CADPS2: variants seen among roughly 807,000 people sequenced by gnomAD.
The protein encoded by CADPS2 is calcium-dependent secretion activator 2.
In CADPS2, 93 loss-of-function variants were observed where a neutral mutation model predicts 172.5. The observed-to-expected ratio is 0.54, with a 90% CI of 0.46 to 0.64. CADPS2 has a LOEUF of 0.64. Among genes scored for constraint, CADPS2 ranks in the 30% least tolerant of loss-of-function variants. The probability of loss-of-function intolerance (pLI) is 0.00; values close to 1 mark genes in which losing one functional copy is unlikely to be tolerated. For synonymous variants in CADPS2, 546 were observed against 555.2 expected (o/e 0.98, Z 0.23); for missense variants, 1,420 against 1,565.9 (o/e 0.91, Z 1.57).
At chr7:122,355,277 T>C (rs1008997091) in intron 27 of CADPS2, among the ~76,000 whole-genome samples, 18 of 152,196 alleles carry the variant, frequency 1.2e-4, no homozygotes, top group African/African-American at 4.3e-4. Flanking sequence ...AATCAATTTA[T>C]TTATTGCTTT....
chr7:122,826,376 A>C (rs1467137505), intron 1 of CADPS2, among the ~76,000 whole-genome samples: 3 of 152,188 alleles, frequency 2.0e-5, no homozygotes, highest in Non-Finnish European at 4.4e-5. Context: ...CCCAAGTCTC[A>C]TAACATAATA....
At chr7:122,535,396 C>T (rs2062157255) in intron 8 of CADPS2, among the ~76,000 whole-genome samples, 1 of 151,960 alleles carries the variant, frequency 6.6e-6, no homozygotes, top group African/African-American at 2.4e-5. Flanking sequence ...GTGATAGATT[C>T]TTCAAATGTA....
intron 14 of CADPS2, among the ~76,000 whole-genome samples, chr7:122,466,048 C>T (rs2055093793): frequency 6.6e-6 from 1 of 152,042 alleles, no homozygotes; most frequent in Non-Finnish European, 1.5e-5. Flanking sequence ...AACTTAAGAC[C>T]CAAAAACTTT....
At chr7:122,721,872 C>T (rs192336415) in intron 2 of CADPS2, among the ~76,000 whole-genome samples, 1 of 152,148 alleles carries the variant, frequency 6.6e-6, no homozygotes, top group South Asian at 2.1e-4. Context: ...CCCTGGGATA[C>T]AAGGCTGGTT....
intron 1 of CADPS2, among the ~76,000 whole-genome samples, chr7:122,849,334 C>T (rs1463458855): frequency 6.6e-6 from 1 of 152,132 alleles, no homozygotes; most frequent in African/African-American, 2.4e-5. Flanking sequence ...TCAAAAATCA[C>T]CAAAAAACAT....
At chr7:122,828,117 A>C (rs946785667) in intron 1 of CADPS2, among the ~76,000 whole-genome samples, 1 of 152,002 alleles carries the variant, frequency 6.6e-6, no homozygotes, top group Admixed American at 6.6e-5. Flanking sequence ...TAGGATCATC[A>C]TGTCTCTGTG....
chr7:122,816,750 C>T (rs1187999761), intron 1 of CADPS2, among the ~76,000 whole-genome samples: 1 of 152,162 alleles, frequency 6.6e-6, no homozygotes, highest in East Asian at 1.9e-4. Context: ...TGAGCCCAAG[C>T]CAAGCCATCG....
In CADPS2 at chr7:122,663,278, T is replaced by G; in HGVS notation, c.745A>C (p.Ile249Leu). ...LYEMFQQILG[I>L]KKLEHQLLYN... ...AGGAGCTGGTGTTCCAGTTTTTTAA[T>G]ACCCAGAATCTGCTGAAACATTTCA... The change falls in exon 3 of 30, where the codon ATT (isoleucine) becomes CTT (leucine). Residue 249 changes from isoleucine (I) to leucine (L), a missense_variant. Ile to Leu is a conservative substitution (Grantham distance 5). Coordinates refer to ENST00000449022, the MANE Select transcript of CADPS2 (RefSeq NM_017954.11). 1 of 1,613,792 alleles carries G rather than the reference T, an allele frequency of 6.2e-7. No homozygotes were observed. Among genetic ancestry groups the G allele is most frequent in the Non-Finnish European group, 8.5e-7 (1 of 1,179,790 alleles).
intron 25 of CADPS2, among the ~76,000 whole-genome samples, chr7:122,364,658 C>T (rs1306503204): frequency 4.7e-5 from 7 of 149,390 alleles, no homozygotes; most frequent in Non-Finnish European, 1.0e-4. Context: ...ACCCAGGAGG[C>T]GGAGCTTGCA....
intron 2 of CADPS2, among the ~76,000 whole-genome samples, chr7:122,705,775 TATATA>T (rs2087080347): frequency 6.1e-5 from 1 of 16,336 alleles, no homozygotes; most frequent in Non-Finnish European, 9.7e-5. Flanking sequence ...TATGATATAT[TATATA>T]ATATATATCA....
intron 1 of CADPS2, among the ~76,000 whole-genome samples, chr7:122,744,437 A>G (rs549495600): frequency 6.6e-6 from 1 of 152,320 alleles, no homozygotes; most frequent in East Asian, 1.9e-4. Flanking sequence ...CCATGGTACT[A>G]TCGTGTGTTT....
chr7:122,354,841 A>T (rs1260636571), intron 27 of CADPS2, among the ~76,000 whole-genome samples: 1 of 152,150 alleles, frequency 6.6e-6, no homozygotes, highest in Non-Finnish European at 1.5e-5. Context: ...CATAAACTGT[A>T]TAACTGCCAC....
intron 14 of CADPS2, among the ~76,000 whole-genome samples, chr7:122,454,220 G>C (rs969469907): frequency 2.0e-5 from 3 of 152,048 alleles, no homozygotes; most frequent in African/African-American, 4.8e-5. Flanking sequence ...TTTTAAATAC[G>C]TGTCTGGTAT....
intron 14 of CADPS2, among the ~76,000 whole-genome samples, chr7:122,458,704 G>C (rs2054094028): frequency 6.6e-6 from 1 of 152,018 alleles, no homozygotes; most frequent in Non-Finnish European, 1.5e-5. Flanking sequence ...ATATTACTTC[G>C]TTTTTGTGTT....
rs929683677 is a variant in CADPS2, at chr7:122,414,168, C to T, written c.2581-92G>A. ...TTTAAAAAAGGTCATCATAATAGTC[C>T]TATATTTCAGTATATCGTATAGTGA... On this transcript the variant is annotated intron_variant, in intron 18 of 29. Transcript: ENST00000449022. 4.2e-5 allele frequency: 36 copies of T among 865,430 alleles called. No homozygotes were observed. The Admixed American group carries it at 9.2e-4, about 22-fold the overall frequency. The allele number at this position is 865,430 out of a possible 1,614,324, so 53.6% of individuals were successfully genotyped here. A position where few individuals can be genotyped will look rare whatever the true frequency, so the allele number is the denominator to read the frequency against.
Position 122,325,584 on chromosome 7 carries a change from A to T in CADPS2, c.3613-3T>A. ...TTCATGGAACTGCTGTACCATTGCT[A>T]GAAGGGAGAATTGGGGCACAGGGGA... is the stretch of plus-strand genomic sequence containing the variant. On this transcript the variant is annotated splice_region_variant and splice_polypyrimidine_tract_variant and intron_variant, in intron 28 of 29. Transcript: ENST00000449022. 6.3e-7 allele frequency: 1 copy of T among 1,596,766 alleles called. No individual in the cohort carries two copies. The highest frequency in any genetic ancestry group is 8.6e-7 in the Non-Finnish European group (1 of 1,167,104).
chr7:122,662,755 T>C (rs940216664), intron 3 of CADPS2, among the ~76,000 whole-genome samples: 2 of 152,204 alleles, frequency 1.3e-5, no homozygotes, highest in African/African-American at 2.4e-5. Flanking sequence ...TTAAATTACA[T>C]AGTTCAACTA....
chr7:122,565,981 C>T (rs569919602), intron 7 of CADPS2, among the ~76,000 whole-genome samples: 1 of 152,270 alleles, frequency 6.6e-6, no homozygotes, highest in Non-Finnish European at 1.5e-5. Context: ...ATCCTACTCT[C>T]TGCTTCTAAG....
chr7:122,367,041 T>C lies in CADPS2; in HGVS notation c.3388-6028A>G, dbSNP rs185041729. 2.0e-5 allele frequency among the ~76,000 whole-genome samples: 3 copies of C among 152,290 alleles called. No individual in the cohort carries two copies. In the East Asian group the frequency reaches 5.8e-4, roughly 29 times the overall value. ...GAACTATTTTACTTTGCATTCTCTC[T>C]CTGCTAAAGGCTCCTAATATCGTAT... On this transcript the variant is annotated intron_variant, in intron 25 of 29. Coordinates refer to ENST00000449022, the MANE Select transcript of CADPS2 (RefSeq NM_017954.11).
Sources: gnomAD v4.1 joint callset for allele counts (sites outside exome capture counted in the v4.1 genomes callset) on GRCh38, gnomAD v4.1.1 for gene constraint, MANE v1.5 for transcripts, NCBI Gene and HGNC (gene_info 2026-07-23, HGNC 2026-07-21) for gene names.